The following RYR3 variants were observed in gnomAD, a reference collection of about 807,000 sequenced individuals.
The protein encoded by RYR3 is ryanodine receptor 3.
RYR3 carries 207 observed loss-of-function variants against 584.3 expected under a neutral mutation model. That is an observed-to-expected ratio of 0.35 (90% CI 0.32 to 0.40). RYR3 has a LOEUF of 0.40. Among genes scored for constraint, RYR3 ranks in the 10% least tolerant of loss-of-function variants. The pLI, the probability that RYR3 is intolerant of heterozygous loss-of-function variation, is 1.00. For missense variants in RYR3, 5,616 were observed against 6,089.2 expected, an observed-to-expected ratio of 0.92 and a Z score of 2.59; for synonymous variants, 2,416 against 2,248.5, an observed-to-expected ratio of 1.07 and a Z score of -2.11.
At chr15:33,389,921 G>A (rs954673365) in intron 1 of RYR3, among the ~76,000 whole-genome samples, 1 of 152,134 alleles carries the variant, frequency 6.6e-6, no homozygotes, top group Admixed American at 6.5e-5. Context: ...TGAGAAAATA[G>A]CATCCTATAA....
intron 57 of RYR3, 29 bp downstream of exon 57, chr15:33,750,315 G>A (rs2071154666): frequency 6.2e-7 from 1 of 1,606,300 alleles, no homozygotes; most frequent in East Asian, 2.2e-5. Context: ...GATGCTAGTG[G>A]GACAGGGCTG....
At chr15:33,689,265 A>G (rs1943455756) in intron 38 of RYR3, among the ~76,000 whole-genome samples, 2 of 151,326 alleles carry the variant, frequency 1.3e-5, no homozygotes, top group Admixed American at 1.3e-4. Context: ...AGAAATACCT[A>G]ATGTAAATGA....
At chr15:33,860,289 T>C (rs1194639087) in intron 100 of RYR3, among the ~76,000 whole-genome samples, 1 of 152,008 alleles carries the variant, frequency 6.6e-6, no homozygotes, top group Non-Finnish European at 1.5e-5. Flanking sequence ...GGAGAGCCTA[T>C]CACACAGACT....
At position 33,539,679 on chromosome 15, in the gene RYR3, A is replaced by T. The variant is rs181187720; in HGVS notation, c.546+217A>T. 2.4e-3 allele frequency among the ~76,000 whole-genome samples: 364 copies of T among 152,334 alleles called. 1 individual carries two copies. The highest frequency in any genetic ancestry group is 4.2e-3 in the Non-Finnish European group (284 of 68,032). On this transcript the variant is annotated intron_variant, in intron 6 of 103. Transcript: ENST00000634891. ...TCGACTCCTAAAAACTTAACTTTTG[A>T]TAAGAAGTAGCCTACTTTTGATGGG...
chr15:33,757,621 G>T, intron 60 of RYR3, 25 bp downstream of exon 60: 5 of 1,604,382 alleles, frequency 3.1e-6, no homozygotes, highest in Non-Finnish European at 4.3e-6. Context: ...TAAAGGGAAG[G>T]TGATGGTGCT....
chr15:33,802,110 C>T (rs764005580), intron 69 of RYR3, 149 bp downstream of exon 69: 35 of 767,774 alleles, frequency 4.6e-5, no homozygotes, highest in East Asian at 3.9e-4. Context: ...TCTTTGAGAA[C>T]GAGCCAGAAG....
chr15:33,543,855 G>A (rs191967870), intron 8 of RYR3, 140 bp downstream of exon 8: 99 of 684,020 alleles, frequency 1.4e-4, no homozygotes, highest in Non-Finnish European at 2.3e-4. Flanking sequence ...CATGGGTTCC[G>A]GTTTGTAAAA....
At chr15:33,754,909 G>C (rs1002216392) in intron 57 of RYR3, among the ~76,000 whole-genome samples, 156 bp from the exon 58 acceptor site, 1 of 152,192 alleles carries the variant, frequency 6.6e-6, no homozygotes, top group Non-Finnish European at 1.5e-5. Context: ...TAGGTTCCAA[G>C]TGAGAGGGGA....
In RYR3 at chr15:33,773,563, A is replaced by G; in HGVS notation, c.9085A>G (p.Ile3029Val). 1 of 1,609,782 alleles carries G rather than the reference A, an allele frequency of 6.2e-7. No individual in the cohort carries two copies. Among genetic ancestry groups the G allele is most frequent in the Non-Finnish European group, 8.5e-7 (1 of 1,178,000 alleles). The change falls in exon 64 of 104, where the codon ATA becomes GTA. Residue 3029 changes from isoleucine (I) to valine (V), a missense_variant. Ile to Val is a conservative substitution (Grantham distance 29). Transcript: ENST00000634891. ...LGDVQISCYHILCSLYSLGTG... is the reference protein window; with the variant it reads ...LGDVQISCYHVLCSLYSLGTG... ...TGATGTGCAGATTTCATGCTACCAC[A>G]TACTGTGCAGCCTCTACTCCCTTGG...
At chr15:33,594,497 A>T (rs2059280426) in intron 16 of RYR3, among the ~76,000 whole-genome samples, 1 of 152,222 alleles carries the variant, frequency 6.6e-6, no homozygotes, top group South Asian at 2.1e-4. Flanking sequence ...AAGTATCAGC[A>T]ACATTTGAAG....
At chr15:33,578,771 A>AAAATC (rs1555536810) in intron 12 of RYR3, among the ~76,000 whole-genome samples, 1 of 142,762 alleles carries the variant, frequency 7.0e-6, no homozygotes, top group African/African-American at 2.5e-5. Flanking sequence ...AGAATAAAAA[A>AAAATC]AAAAAAACAA....
chr15:33,611,191 A>G (rs1353876877), intron 18 of RYR3, among the ~76,000 whole-genome samples: 1 of 152,200 alleles, frequency 6.6e-6, no homozygotes, highest in Admixed American at 6.5e-5. Context: ...ATTGTATTAT[A>G]CAATAAAATG....
Position 33,617,185 on chromosome 15 carries a change from C to T in RYR3, c.2357+3810C>T, listed in dbSNP as rs530786007. Among the ~76,000 whole-genome samples the T allele has an allele frequency of 1.2e-4, 19 of 152,190 alleles. 1 individual carries two copies. The highest frequency in any genetic ancestry group is 4.6e-4 in the Admixed American group (7 of 15,296). On this transcript the variant is annotated intron_variant, in intron 19 of 103. Coordinates refer to ENST00000634891, the MANE Select transcript of RYR3 (RefSeq NM_001036.6). ...ATCTCAGCACTTTGGGAGGCTGAGGCGGGCGGATCATGAGGTCAGGAGATT... is the reference window on the plus strand; with the variant it reads ...ATCTCAGCACTTTGGGAGGCTGAGGTGGGCGGATCATGAGGTCAGGAGATT...
chr15:33,479,843 C>T (rs1211332224), intron 2 of RYR3, among the ~76,000 whole-genome samples: 1 of 152,170 alleles, frequency 6.6e-6, no homozygotes, highest in African/African-American at 2.4e-5. Context: ...GACTGTCTGG[C>T]ATTCCTAAGT....
At chr15:33,759,961 G>T (rs2072263815) in intron 60 of RYR3, among the ~76,000 whole-genome samples, 1 of 152,186 alleles carries the variant, frequency 6.6e-6, no homozygotes, top group Non-Finnish European at 1.5e-5. Context: ...AACCCTATAA[G>T]CCAGAAGAGG....
chr15:33,713,418 ATGATGG>A (rs2067260881), intron 43 of RYR3, among the ~76,000 whole-genome samples: 1 of 151,428 alleles, frequency 6.6e-6, no homozygotes, highest in South Asian at 2.1e-4. Flanking sequence ...GTGGCTGATG[ATGATGG>A]TGATGATGGG....
intron 60 of RYR3, among the ~76,000 whole-genome samples, chr15:33,761,257 G>A (rs1174270922): frequency 6.6e-6 from 1 of 152,014 alleles, no homozygotes; most frequent in Non-Finnish European, 1.5e-5. Context: ...TAAGATCAGA[G>A]CAGAAATGAA....
Position 33,738,432 on chromosome 15 carries a change from C to G in RYR3, c.7516-18C>G, listed in dbSNP as rs73379375. 8.5e-4 allele frequency: 1,374 copies of G among 1,607,136 alleles called. 22 individuals are homozygous for G. The African/African-American group carries it at 0.017, about 20-fold the overall frequency. On this transcript the variant is annotated intron_variant, in intron 49 of 103. Coordinates refer to ENST00000634891, the MANE Select transcript of RYR3 (RefSeq NM_001036.6). ...CTCTATGCCACCCCGCTGGTCTGTC[C>G]TGTTCTGCACCTCCCAGCTTCTGAC...
At chr15:33,807,483 C>T in intron 69 of RYR3, 72 bp from the exon 70 acceptor site, 1 of 1,453,286 alleles carries the variant, frequency 6.9e-7, no homozygotes, top group Non-Finnish European at 9.5e-7. Flanking sequence ...CATATGGTGC[C>T]TTTTGCCTTA....
Sources: gnomAD v4.1 joint callset for allele counts (sites outside exome capture counted in the v4.1 genomes callset) on GRCh38, gnomAD v4.1.1 for gene constraint, MANE v1.5 for transcripts, NCBI Gene and HGNC (gene_info 2026-07-23, HGNC 2026-07-21) for gene names.